The following TENM2 variants were observed in gnomAD, a reference collection of about 807,000 sequenced individuals.
TENM2 encodes teneurin-2.
In TENM2, 52 loss-of-function variants were observed where a neutral mutation model predicts 245.2. The ratio of observed to expected loss-of-function variants is 0.21; its 90% confidence interval spans 0.17 to 0.27. The LOEUF (loss-of-function observed/expected upper bound fraction) is 0.27. Ranked by LOEUF, TENM2 falls within the 10% of genes least tolerant of loss-of-function variation. The pLI, the probability that TENM2 is intolerant of heterozygous loss-of-function variation, is 1.00. For missense variants in TENM2, 3,046 were observed against 3,666.8 expected, an observed-to-expected ratio of 0.83 and a Z score of 4.37; for synonymous variants, 1,363 against 1,438.9, an observed-to-expected ratio of 0.95 and a Z score of 1.19.
At chr5:167,595,601 G>A (rs1776149282) in intron 2 of TENM2, among the ~76,000 whole-genome samples, 2 of 152,184 alleles carry the variant, frequency 1.3e-5, no homozygotes, top group Admixed American at 6.5e-5. Context: ...TCTCATTGAG[G>A]AGAATAAATA....
intron 3 of TENM2, among the ~76,000 whole-genome samples, chr5:167,898,098 A>G (rs1489431497): frequency 6.6e-6 from 1 of 152,118 alleles, no homozygotes; most frequent in African/African-American, 2.4e-5. Flanking sequence ...AGGACTCCTT[A>G]GTTTACTCAA....
rs76369260 is a variant in TENM2, at chr5:168,163,842, T to C, written c.2569+1085T>C. Among the ~76,000 whole-genome samples, 8 of 152,306 alleles carry C rather than the reference T, an allele frequency of 5.3e-5. No homozygotes were observed. The East Asian group carries it at 1.5e-3, about 29-fold the overall frequency. ...ATTCCATCTAATCTATAACTAAGGT[T>C]TGGGTCCTGGACACCTTCCTCCAGA... On this transcript the variant is annotated intron_variant, in intron 13 of 28. Coordinates refer to ENST00000518659, the Ensembl canonical transcript of TENM2.
At chr5:167,503,524 T>TG (rs1187250166) in intron 2 of TENM2, among the ~76,000 whole-genome samples, 1 of 151,732 alleles carries the variant, frequency 6.6e-6, no homozygotes, top group Admixed American at 6.6e-5. Flanking sequence ...TTCCTTTTTT[T>TG]TTTTTGGTGG....
At chr5:167,020,860 T>C in the TENM2 span, among the ~76,000 whole-genome samples, 1 of 152,342 alleles carries the variant, frequency 6.6e-6, no homozygotes, top group South Asian at 2.1e-4. Context: ...GAAGGAGACC[T>C]AGGTCGGGCA....
chr5:167,851,800 C>T (rs1406963103), intron 2 of TENM2, among the ~76,000 whole-genome samples: 1 of 152,168 alleles, frequency 6.6e-6, no homozygotes, highest in Non-Finnish European at 1.5e-5. Context: ...TGTGTTCCTT[C>T]GTCTTCCCTT....
chr5:167,501,440 G>A, intron 2 of TENM2, among the ~76,000 whole-genome samples: 1 of 152,152 alleles, frequency 6.6e-6, no homozygotes, highest in South Asian at 2.1e-4. Context: ...CACATATTTT[G>A]AGTGACCCTT....
intron 2 of TENM2, among the ~76,000 whole-genome samples, chr5:167,523,386 T>A (rs1770893720): frequency 6.6e-6 from 1 of 152,144 alleles, no homozygotes; most frequent in Admixed American, 6.6e-5. Flanking sequence ...CACAGGAATG[T>A]GGGCTCCGTG....
intron 2 of TENM2, among the ~76,000 whole-genome samples, chr5:167,587,685 C>G (rs1378422266): frequency 6.6e-6 from 1 of 152,180 alleles, no homozygotes; most frequent in East Asian, 1.9e-4. Flanking sequence ...AGTAGATGTT[C>G]ATGTCTGATT....
chr5:168,130,352 A>C (rs1754466604), intron 12 of TENM2: 1 of 152,208 alleles, frequency 6.6e-6, no homozygotes, highest in Admixed American at 6.5e-5. Flanking sequence ...TTTTCCTTAA[A>C]AGTTAAATAT....
At chr5:168,137,826 T>G (rs1267241705) in intron 12 of TENM2, among the ~76,000 whole-genome samples, 1 of 152,210 alleles carries the variant, frequency 6.6e-6, no homozygotes, top group Admixed American at 6.5e-5. Flanking sequence ...ATGAACTGAT[T>G]TAACTTTTTG....
chr5:167,321,820 G>GGGT (rs1756761485), intron 1 of TENM2, among the ~76,000 whole-genome samples: 1 of 77,906 alleles, frequency 1.3e-5, no homozygotes, highest in African/African-American at 4.6e-5. Context: ...GGGCGGGGGG[G>GGGT]GGGGTGGATG....
chr5:167,866,719 C>G (rs763471034), intron 2 of TENM2, among the ~76,000 whole-genome samples: 1 of 152,014 alleles, frequency 6.6e-6, no homozygotes, highest in African/African-American at 2.4e-5. Context: ...ATGACCTGAG[C>G]AAATGTGTGC....
chr5:167,381,203 A>G (rs910857443), intron 2 of TENM2, among the ~76,000 whole-genome samples: 36 of 152,148 alleles, frequency 2.4e-4, no homozygotes, highest in African/African-American at 7.0e-4. Flanking sequence ...ATAGGATGGA[A>G]ATTCCACATA....
intron 2 of TENM2, among the ~76,000 whole-genome samples, chr5:167,532,159 C>T (rs1026299727): frequency 2.0e-5 from 3 of 151,966 alleles, no homozygotes; most frequent in Non-Finnish European, 4.4e-5. Context: ...AAATAAATTG[C>T]CTGACGTCTT....
chr5:168,259,544 C>T lies in TENM2; in HGVS notation c.7433-739C>T, dbSNP rs189920943. Among the ~76,000 whole-genome samples the T allele has an allele frequency of 3.6e-3, 548 of 152,060 alleles. 2 individuals carry two copies. The highest frequency in any genetic ancestry group is 0.013 in the East Asian group (67 of 5,154). ...CGGAGTTTGCAGTGAGCTGAGATTG[C>T]GCCACCGCACTCCAGCCTGGGCAAC... On this transcript the variant is annotated intron_variant, in intron 27 of 28. Transcript: ENST00000518659.
chr5:167,022,694 C>T, the TENM2 span, among the ~76,000 whole-genome samples: 1 of 152,094 alleles, frequency 6.6e-6, no homozygotes, highest in Non-Finnish European at 1.5e-5. Flanking sequence ...TAAGTGACAA[C>T]AATAAGGTGG....
rs183539861 is a variant in TENM2, at chr5:167,760,848, A to G, written c.503-115138A>G. Among the ~76,000 whole-genome samples the G allele has an allele frequency of 2.1e-3, 324 of 152,202 alleles. 2 individuals carry two copies. The highest frequency in any genetic ancestry group is 7.5e-3 in the African/African-American group (313 of 41,522). The stretch of plus-strand genomic sequence containing the variant: ...TTTGTATTTTTAGTAGAGACGGGTC[A>G]CCATGTTAGTCAGGCTGGTCTCGAA... On this transcript the variant is annotated intron_variant, in intron 2 of 28. Transcript: ENST00000518659.
chr5:167,785,765 G>GTT (rs1174369281), intron 2 of TENM2, among the ~76,000 whole-genome samples: 5 of 152,160 alleles, frequency 3.3e-5, no homozygotes, highest in Non-Finnish European at 7.3e-5. Flanking sequence ...GTTGAGCAGT[G>GTT]GTGCTGACAT....
the TENM2 span, among the ~76,000 whole-genome samples, chr5:167,252,654 A>C: frequency 6.6e-6 from 1 of 152,266 alleles, no homozygotes; most frequent in Admixed American, 6.5e-5. Context: ...CGCTAACTGC[A>C]AAGGAGACTA....
Sources: gnomAD v4.1 joint callset for allele counts (sites outside exome capture counted in the v4.1 genomes callset) on GRCh38, gnomAD v4.1.1 for gene constraint, MANE v1.5 for transcripts, NCBI Gene and HGNC (gene_info 2026-07-23, HGNC 2026-07-21) for gene names.